The following UBAC2 variants were observed in gnomAD, a reference collection of about 807,000 sequenced individuals.
The protein encoded by UBAC2 is ubiquitin-associated domain-containing protein 2.
In UBAC2, 26 loss-of-function variants were observed where a neutral mutation model predicts 44.0. The ratio of observed to expected loss-of-function variants is 0.59; its 90% confidence interval spans 0.43 to 0.82. UBAC2 has a LOEUF of 0.82. Ranked by LOEUF, UBAC2 falls within the 40% of genes least tolerant of loss-of-function variation. The pLI, the probability that UBAC2 is intolerant of heterozygous loss-of-function variation, is 0.00. For missense variants in UBAC2, 329 were observed against 419.4 expected (o/e 0.78, Z 1.88); for synonymous variants, 155 against 154.3 (o/e 1.00, Z -0.04).
chr13:99,242,160 AT>A (rs1207055082), intron 2 of UBAC2, among the ~76,000 whole-genome samples: 3 of 152,134 alleles, frequency 2.0e-5, no homozygotes, highest in Non-Finnish European at 4.4e-5. Flanking sequence ...GACGGCAACC[AT>A]CCGATTTCTC....
rs532604361 is a variant in UBAC2, at chr13:99,242,232, C to G, written c.160-1600C>G. 7.4e-3 allele frequency among the ~76,000 whole-genome samples: 1,119 copies of G among 151,912 alleles called. 10 individuals are homozygous for G. Among genetic ancestry groups the G allele is most frequent in the South Asian group, 0.054 (262 of 4,820 alleles). On this transcript the variant is annotated intron_variant, in intron 2 of 8. Coordinates refer to ENST00000403766, the MANE Select transcript of UBAC2 (RefSeq NM_001144072.2). ...CAAAACCGCCATTGTCATCATGGCC[C>G]GTTCTCAATGAGCTGCTGGGCACAC...
intron 7 of UBAC2, among the ~76,000 whole-genome samples, chr13:99,360,398 G>C (rs2045249554): frequency 6.6e-6 from 1 of 152,188 alleles, no homozygotes; most frequent in Non-Finnish European, 1.5e-5. Context: ...TGTGAGGTGG[G>C]TGCAGTTATT....
rs142471196 is a variant in UBAC2, at chr13:99,316,742, G to A, written c.514-1280G>A. ...TACTTTTTCAATGACAAAATGATAC[G>A]CTCTTTTTACTTGCGTATGAGACCT... On this transcript the variant is annotated intron_variant, in intron 5 of 8. Transcript: ENST00000403766. 3.1e-3 allele frequency among the ~76,000 whole-genome samples: 476 copies of A among 152,262 alleles called. 4 individuals are homozygous for A. The highest frequency in any genetic ancestry group is 0.011 in the African/African-American group (456 of 41,528).
At chr13:99,209,208 A>G (rs1216867156) in intron 1 of UBAC2, among the ~76,000 whole-genome samples, 1 of 152,022 alleles carries the variant, frequency 6.6e-6, no homozygotes, top group Non-Finnish European at 1.5e-5. Context: ...TCGAGCCCCT[A>G]CCTCAGCTTG....
intron 4 of UBAC2, among the ~76,000 whole-genome samples, chr13:99,269,781 C>T (rs1290273854): frequency 1.3e-5 from 2 of 152,174 alleles, no homozygotes; most frequent in African/African-American, 2.4e-5. Flanking sequence ...AATGAGCATG[C>T]TCAGCAGTTC....
intron 4 of UBAC2, among the ~76,000 whole-genome samples, chr13:99,267,415 G>T (rs1376834339): frequency 6.6e-6 from 1 of 152,162 alleles, no homozygotes; most frequent in African/African-American, 2.4e-5. Context: ...GAATTTCATA[G>T]CTTTAGATTT....
At chr13:99,293,191 G>C (rs1261169835) in intron 4 of UBAC2, among the ~76,000 whole-genome samples, 5 of 152,178 alleles carry the variant, frequency 3.3e-5, no homozygotes, top group Non-Finnish European at 7.3e-5. Flanking sequence ...TAGATTTGTG[G>C]TATAGTGGAG....
chr13:99,284,462 A>G (rs2043992872), intron 4 of UBAC2, among the ~76,000 whole-genome samples: 1 of 152,192 alleles, frequency 6.6e-6, no homozygotes, highest in Non-Finnish European at 1.5e-5. Context: ...ACTCCCATAT[A>G]CCCTAAAACC....
chr13:99,282,042 C>T (rs917689219), intron 4 of UBAC2, among the ~76,000 whole-genome samples: 1 of 152,168 alleles, frequency 6.6e-6, no homozygotes, highest in Non-Finnish European at 1.5e-5. Context: ...GTTTCCTCAC[C>T]CTCAGCACTT....
At chr13:99,335,152 C>A (rs2044768735) in intron 6 of UBAC2, among the ~76,000 whole-genome samples, 1 of 152,210 alleles carries the variant, frequency 6.6e-6, no homozygotes, top group Non-Finnish European at 1.5e-5. Context: ...AACAAATCAA[C>A]AATCACAGTT....
At chr13:99,338,045 T>TCA (rs57203383) in intron 6 of UBAC2, among the ~76,000 whole-genome samples, 1 of 76,638 alleles carries the variant, frequency 1.3e-5, no homozygotes, top group Non-Finnish European at 2.7e-5. Context: ...TTTTCTTTTT[T>TCA]TCTTTTTTTT....
intron 5 of UBAC2, 44 bp downstream of exon 5, chr13:99,314,264 T>C: frequency 2.0e-6 from 2 of 1,007,046 alleles, no homozygotes; most frequent in African/African-American, 1.7e-5. Flanking sequence ...AACCAGATCT[T>C]TTTTTTTTTT....
chr13:99,293,228 A>G (rs1386055551), intron 4 of UBAC2, among the ~76,000 whole-genome samples: 1 of 152,176 alleles, frequency 6.6e-6, no homozygotes, highest in African/African-American at 2.4e-5. Context: ...TGAACAGATA[A>G]AAGAATGTTA....
chr13:99,317,995 T>C, intron 5 of UBAC2, 27 bp from the exon 6 acceptor site: 2 of 1,594,938 alleles, frequency 1.3e-6, no homozygotes, highest in Non-Finnish European at 1.7e-6. Flanking sequence ...ATTTTATTTT[T>C]AGTTGCCTTT....
chr13:99,339,111 A>G (rs1163719961), intron 6 of UBAC2, among the ~76,000 whole-genome samples: 4 of 152,084 alleles, frequency 2.6e-5, no homozygotes, highest in Middle Eastern at 3.2e-3. Flanking sequence ...CTTGAGTTCT[A>G]GAATTACATA....
intron 4 of UBAC2, among the ~76,000 whole-genome samples, chr13:99,290,630 C>A (rs1478206969): frequency 6.7e-6 from 1 of 149,448 alleles, no homozygotes; most frequent in Non-Finnish European, 1.5e-5. Context: ...GAGGCTGAGG[C>A]AGGTGAATCA....
chr13:99,215,523 A>G, intron 1 of UBAC2: 1 of 1,470,474 alleles, frequency 6.8e-7, no homozygotes, highest in Non-Finnish European at 9.5e-7. Flanking sequence ...TATACACTTT[A>G]CCTTTAAGTC....
chr13:99,332,907 T>A (rs991281459), intron 6 of UBAC2, among the ~76,000 whole-genome samples: 2 of 151,104 alleles, frequency 1.3e-5, no homozygotes, highest in Non-Finnish European at 3.0e-5. Context: ...TTTCAGAGGG[T>A]CTATGGATTT....
intron 4 of UBAC2, among the ~76,000 whole-genome samples, chr13:99,291,983 C>G (rs2044094699): frequency 6.6e-6 from 1 of 152,106 alleles, no homozygotes; most frequent in African/African-American, 2.4e-5. Flanking sequence ...TAATCTATAC[C>G]TATTGTTGGG....
Sources: allele counts gnomAD v4.1 joint callset (sites outside exome capture counted in the v4.1 genomes callset), GRCh38; gene constraint gnomAD v4.1.1; transcripts MANE v1.5; gene names NCBI Gene and HGNC (gene_info 2026-07-23, HGNC 2026-07-21).